NAV3: variants seen among roughly 807,000 people sequenced by gnomAD.
NAV3 encodes pore membrane and/or filament interacting like protein 1.
NAV3 carries 87 observed loss-of-function variants against 244.7 expected under a neutral mutation model. That is an observed-to-expected ratio of 0.36 (90% confidence interval 0.30 to 0.42). The LOEUF (loss-of-function observed/expected upper bound fraction) is 0.42, where lower values mean the gene tolerates loss of function less well. Ranked by LOEUF, NAV3 falls within the 20% of genes least tolerant of loss-of-function variation. NAV3 has a pLI of 1.00. For missense variants in NAV3, 2,663 were observed against 2,893.3 expected, an observed-to-expected ratio of 0.92 and a Z score of 1.83; for synonymous variants, 1,126 against 1,042.2, an observed-to-expected ratio of 1.08 and a Z score of -1.55.
chr12:77,640,912 A>G (rs1404668078), intron 2 of NAV3, among the ~76,000 whole-genome samples: 1 of 152,138 alleles, frequency 6.6e-6, no homozygotes, highest in Non-Finnish European at 1.5e-5. Flanking sequence ...AAATGCAAAG[A>G]GAGGTATGAG....
intron 22 of NAV3, among the ~76,000 whole-genome samples, chr12:78,154,634 A>G (rs1312166102): frequency 6.6e-6 from 1 of 151,734 alleles, no homozygotes; most frequent in Non-Finnish European, 1.5e-5. Context: ...TTACCTTTAT[A>G]GACTTCACCT....
chr12:77,868,616 C>A (rs4761322), intron 1 of NAV3, among the ~76,000 whole-genome samples: 37,202 of 151,330 alleles, frequency 0.25, 5,148 homozygotes, highest in South Asian at 0.35. Flanking sequence ...ATAAGCAGGG[C>A]ATGGTGGCAC....
rs971739769 is a variant in NAV3, at chr12:77,714,185, G to T, written c.72+141919G>T. On this transcript the variant is annotated intron_variant, in intron 2 of 8. Coordinates refer to the NAV3 transcript ENST00000550042. ...CTTCCTCAGAGGTTGGGGATATAAG[G>T]CACAGAGATGTCAGATCTCAGTAAC... 2.0e-5 allele frequency among the ~76,000 whole-genome samples: 3 copies of T among 151,974 alleles called. 1 individual carries two copies. The highest frequency in any genetic ancestry group is 2.0e-4 in the Admixed American group (3 of 15,238).
intron 27 of NAV3, 93 bp from the exon 28 acceptor site, chr12:78,177,527 T>C: frequency 2.4e-6 from 3 of 1,273,624 alleles, no homozygotes; most frequent in Non-Finnish European, 3.3e-6. Context: ...TTCAAGTGTT[T>C]CTTGATCTCA....
chr12:78,085,774 G>T (rs1953602287), intron 12 of NAV3, among the ~76,000 whole-genome samples: 1 of 151,998 alleles, frequency 6.6e-6, no homozygotes, highest in South Asian at 2.1e-4. Flanking sequence ...GATTATTTGG[G>T]AACACAGCAT....
chr12:77,902,483 C>T (rs2247861), intron 1 of NAV3, among the ~76,000 whole-genome samples: 16,797 of 152,106 alleles, frequency 0.11, 1,064 homozygotes, highest in South Asian at 0.2. Context: ...GACAATCATG[C>T]GGTTTTTGTC....
chr12:78,024,358 C>T lies in NAV3; in HGVS notation c.2023+2496C>T, dbSNP rs143403623. Reference sequence around the variant, plus strand: ...ATGCAACTCACTTTACATATATGACCTCCAACCTCAAGTGACTATGTAATG... The same window carrying T: ...ATGCAACTCACTTTACATATATGACTTCCAACCTCAAGTGACTATGTAATG... On this transcript the variant is annotated intron_variant, in intron 9 of 39. Transcript: ENST00000397909. 7.2e-4 allele frequency among the ~76,000 whole-genome samples: 110 copies of T among 152,264 alleles called. 1 individual carries two copies. The highest frequency in any genetic ancestry group is 2.6e-3 in the African/African-American group (108 of 41,546).
intron 2 of NAV3, among the ~76,000 whole-genome samples, chr12:77,652,186 C>G (rs1872855383): frequency 6.6e-6 from 1 of 152,134 alleles, no homozygotes; most frequent in South Asian, 2.1e-4. Flanking sequence ...ATAGCAAATT[C>G]CCAATATCAT....
At chr12:77,894,565 C>T (rs560127152) in intron 1 of NAV3, among the ~76,000 whole-genome samples, 148 of 3,210 alleles carry the variant, frequency 0.046, 1 homozygote, top group Non-Finnish European at 0.14. Context: ...ATTACTTTAA[C>T]CAACCCTCAC....
chr12:78,097,491 C>T (rs1014455196), intron 12 of NAV3, among the ~76,000 whole-genome samples: 1 of 152,138 alleles, frequency 6.6e-6, no homozygotes, highest in African/African-American at 2.4e-5. Flanking sequence ...TCTTTCACCC[C>T]CATCTAGAGA....
At chr12:77,727,855 A>G (rs956297848) in intron 2 of NAV3, among the ~76,000 whole-genome samples, 1 of 151,914 alleles carries the variant, frequency 6.6e-6, no homozygotes, top group Non-Finnish European at 1.5e-5. Context: ...GACAACTGCT[A>G]TTGCCAAGTA....
At chr12:77,843,922 AAAG>A (rs1592758700) in intron 1 of NAV3, among the ~76,000 whole-genome samples, 1 of 152,358 alleles carries the variant, frequency 6.6e-6, no homozygotes, top group East Asian at 1.9e-4. Context: ...TATATGAAGA[AAAG>A]AACACTAGAA....
At chr12:77,860,481 A>C (rs762287661) in intron 1 of NAV3, among the ~76,000 whole-genome samples, 1 of 151,658 alleles carries the variant, frequency 6.6e-6, no homozygotes, top group East Asian at 1.9e-4. Flanking sequence ...AAAAATTAGC[A>C]AACCTCTATT....
chr12:77,652,882 A>G (rs1872890617), intron 2 of NAV3, among the ~76,000 whole-genome samples: 1 of 152,240 alleles, frequency 6.6e-6, no homozygotes, highest in African/African-American at 2.4e-5. Flanking sequence ...TGTGAAGTGA[A>G]AGCAATGCTA....
chr12:78,025,927 C>G (rs1274507567), intron 9 of NAV3, among the ~76,000 whole-genome samples: 1 of 152,156 alleles, frequency 6.6e-6, no homozygotes, highest in African/African-American at 2.4e-5. Flanking sequence ...GAACAGTGAG[C>G]CAAATAAACC....
intron 2 of NAV3, among the ~76,000 whole-genome samples, chr12:77,824,084 AT>A (rs930960569): frequency 6.6e-6 from 1 of 150,612 alleles, no homozygotes; most frequent in African/African-American, 2.4e-5. Context: ...CAGAGAGTAA[AT>A]TTTTTTTTAG....
At chr12:78,016,111 T>C (rs971851185) in intron 8 of NAV3, among the ~76,000 whole-genome samples, 3 of 152,050 alleles carry the variant, frequency 2.0e-5, no homozygotes, top group Non-Finnish European at 4.4e-5. Context: ...ATCTTGCACA[T>C]TCCCTAACTT....
At chr12:78,085,854 A>T (rs1392798169) in intron 12 of NAV3, among the ~76,000 whole-genome samples, 1 of 152,128 alleles carries the variant, frequency 6.6e-6, no homozygotes, top group Non-Finnish European at 1.5e-5. Context: ...TCAAATGTTG[A>T]GTAAAATGCA....
chr12:77,722,476 C>T (rs1450643704), intron 2 of NAV3, among the ~76,000 whole-genome samples: 2 of 151,992 alleles, frequency 1.3e-5, no homozygotes, highest in East Asian at 3.9e-4. Flanking sequence ...AAGCATTATG[C>T]TGGTATAGCT....
Sources: allele counts gnomAD v4.1 joint callset (sites outside exome capture counted in the v4.1 genomes callset), GRCh38; gene constraint gnomAD v4.1.1; transcripts MANE v1.5; gene names NCBI Gene and HGNC (gene_info 2026-07-23, HGNC 2026-07-21).